MYO10: variants seen among roughly 807,000 people sequenced by gnomAD.
MYO10 encodes myosin X.
A neutral mutation model predicts 257.3 loss-of-function variants in MYO10; 133 were observed. The ratio of observed to expected loss-of-function variants is 0.52; its 90% CI spans 0.45 to 0.60. The LOEUF is 0.60. Ranked by LOEUF, MYO10 falls within the 20% of genes least tolerant of loss-of-function variation. MYO10 has a pLI of 0.00. For missense variants in MYO10, 2,399 were observed against 2,635.7 expected (o/e 0.91, Z 1.97); for synonymous variants, 1,104 against 1,028.6 (o/e 1.07, Z -1.40).
chr5:16,924,887 G>A (rs1177657680), intron 1 of MYO10, among the ~76,000 whole-genome samples: 1 of 143,696 alleles, frequency 7.0e-6, no homozygotes, highest in South Asian at 2.2e-4. Context: ...CTGGAGTGCA[G>A]TGGCACGATC....
At chr5:16,860,808 C>G (rs769575205) in intron 2 of MYO10, among the ~76,000 whole-genome samples, 2 of 149,494 alleles carry the variant, frequency 1.3e-5, no homozygotes, top group Non-Finnish European at 2.9e-5. Context: ...TCCAAATCAA[C>G]GCAAGCACCG....
At chr5:16,821,527 C>T (rs1432439655) in intron 2 of MYO10, among the ~76,000 whole-genome samples, 31 of 126,812 alleles carry the variant, frequency 2.4e-4, no homozygotes, top group African/African-American at 6.1e-4. Context: ...AGTGCAGTGG[C>T]GCGATCTTGG....
At position 16,758,183 on chromosome 5, in the gene MYO10, T is replaced by C. The variant is rs1167101594; in HGVS notation, c.1783A>G (p.Asn595Asp). 1.2e-6 allele frequency: 2 copies of C among 1,613,634 alleles called. 1 individual carries two copies. Among genetic ancestry groups the C allele is most frequent in the African/African-American group, 2.7e-5 (2 of 74,906 alleles). The part of the protein sequence containing the change: ...YDLFEHVSSR[N>D]NQDTLKCGSK... The stretch of plus-strand genomic sequence containing the variant: ...CCACATTTCAAGGTATCCTGGTTGT[T>C]GCGGCTTGAAACATGTTCAAAAAGA... Residue 595 changes from asparagine (N) to aspartate (D), a missense_variant, in exon 18 of 41, where the codon AAC becomes GAC. Asn to Asp is a conservative substitution (Grantham distance 23, BLOSUM62 1). Coordinates refer to ENST00000513610, the MANE Select transcript of MYO10 (RefSeq NM_012334.3).
chr5:16,715,392 A>ATTTTTTTTT (rs372307063), intron 19 of MYO10, among the ~76,000 whole-genome samples: 8 of 84,356 alleles, frequency 9.5e-5, no homozygotes, highest in Non-Finnish European at 1.5e-4. Context: ...TAAGATTGAA[A>ATTTTTTTTT]TTTTTTTTTT....
intron 1 of MYO10, among the ~76,000 whole-genome samples, chr5:16,896,807 G>T (rs2562349): frequency 6.6e-6 from 1 of 152,222 alleles, no homozygotes; most frequent in East Asian, 1.9e-4. Context: ...TGAGGTCAGG[G>T]CCTTCTGGGT....
At chr5:16,849,878 T>C (rs1743748727) in intron 2 of MYO10, among the ~76,000 whole-genome samples, 1 of 152,192 alleles carries the variant, frequency 6.6e-6, no homozygotes, top group African/African-American at 2.4e-5. Context: ...GATGGCAGGC[T>C]GCATACATCT....
At chr5:16,741,482 A>C (rs552711603) in intron 19 of MYO10, among the ~76,000 whole-genome samples, 2 of 152,356 alleles carry the variant, frequency 1.3e-5, no homozygotes, top group South Asian at 4.1e-4. Flanking sequence ...AATTCAAACA[A>C]AAGAAACCAC....
intron 1 of MYO10, among the ~76,000 whole-genome samples, chr5:16,891,512 G>A (rs1745060752): frequency 6.6e-6 from 1 of 151,912 alleles, no homozygotes. Flanking sequence ...TTTTGTGGGG[G>A]GTTTTCTGGA....
chr5:16,889,580 C>A (rs1744992859), intron 1 of MYO10, among the ~76,000 whole-genome samples: 1 of 150,090 alleles, frequency 6.7e-6, no homozygotes, highest in African/African-American at 2.5e-5. Flanking sequence ...AAGAAAACAG[C>A]AGAACAAGCC....
At chr5:16,878,395 A>G (rs1242201221) in intron 1 of MYO10, among the ~76,000 whole-genome samples, 2 of 152,228 alleles carry the variant, frequency 1.3e-5, no homozygotes, top group East Asian at 3.8e-4. Context: ...TTCAAAGTTC[A>G]GGATTGTATC....
chr5:16,701,050 G>A lies in MYO10; in HGVS notation c.3345C>T (p.Ser1115=). ...SSVTFSNSYG[S]QWSPDYRCSV... ...AGCAGCGGTAGTCGGGGGACCACTG[G>A]CTGCCGTAGGAGTTGGAGAAGGTCA... is the stretch of plus-strand genomic sequence containing the variant. Residue 1115 remains serine, a synonymous_variant, in exon 25 of 41, where the codon AGC becomes AGT. Coordinates refer to ENST00000513610, the MANE Select transcript of MYO10 (RefSeq NM_012334.3). The surrounding 1 kb of genome is among the most constrained non-coding windows in gnomAD (Gnocchi z 8.1). 6.4e-7 allele frequency: 1 copy of A among 1,566,270 alleles called. No individual in the cohort carries two copies. Among genetic ancestry groups the A allele is most frequent in the Non-Finnish European group, 8.7e-7 (1 of 1,156,020 alleles).
At position 16,682,622 on chromosome 5, in the gene MYO10, A is replaced by G. The variant is rs560062501; in HGVS notation, c.4047-609T>C. On this transcript the variant is annotated intron_variant, in intron 30 of 40. Coordinates refer to ENST00000513610, the MANE Select transcript of MYO10 (RefSeq NM_012334.3). Reference sequence around the variant, plus strand: ...CTCTCTCATAGGCCCTTGCTAATATAAATACTAACTCCTCTATCTAACGGC... The same window carrying G: ...CTCTCTCATAGGCCCTTGCTAATATGAATACTAACTCCTCTATCTAACGGC... Among the ~76,000 whole-genome samples, 7 of 152,254 alleles carry G rather than the reference A, an allele frequency of 4.6e-5. No individual in the cohort carries two copies. In the East Asian group the frequency reaches 1.2e-3, roughly 25 times the overall value.
At chr5:16,676,193 T>G in intron 33 of MYO10, 39 bp from the exon 34 acceptor site, 1 of 1,604,164 alleles carries the variant, frequency 6.2e-7, no homozygotes, top group Non-Finnish European at 8.5e-7. Context: ...AAGAAACCTG[T>G]ATTTTCCTAC....
chr5:16,817,271 A>T (rs545108745), intron 3 of MYO10, among the ~76,000 whole-genome samples: 66 of 152,342 alleles, frequency 4.3e-4, no homozygotes, highest in African/African-American at 1.5e-3. Context: ...AGAAATAAAC[A>T]TACATAACCA....
intron 1 of MYO10, among the ~76,000 whole-genome samples, chr5:16,899,183 A>G (rs1303154971): frequency 6.6e-6 from 1 of 151,586 alleles, no homozygotes; most frequent in African/African-American, 2.4e-5. Context: ...GATAACAGAC[A>G]CAAATGCAAT....
chr5:16,720,000 G>GTT (rs1365440725), intron 19 of MYO10, among the ~76,000 whole-genome samples: 1 of 132,380 alleles, frequency 7.6e-6, no homozygotes, highest in Non-Finnish European at 1.5e-5. Context: ...GTGTGTGTGT[G>GTT]TGTGTGTGTG....
intron 19 of MYO10, among the ~76,000 whole-genome samples, chr5:16,732,777 G>T (rs1399318090): frequency 6.6e-6 from 1 of 152,164 alleles, no homozygotes; most frequent in African/African-American, 2.4e-5. Flanking sequence ...ATCCAAAGCC[G>T]GGAAAGTGGT....
intron 2 of MYO10, among the ~76,000 whole-genome samples, chr5:16,838,581 C>A (rs887561560): frequency 1.3e-5 from 2 of 152,152 alleles, no homozygotes; most frequent in African/African-American, 4.8e-5. Flanking sequence ...GACATGTTGA[C>A]AAAGAAGCTG....
chr5:16,668,145 A>G, intron 40 of MYO10, 132 bp downstream of exon 40: 2 of 950,222 alleles, frequency 2.1e-6, no homozygotes, highest in Non-Finnish European at 3.1e-6. Flanking sequence ...AGGGACCACC[A>G]CACTGTATTT....
Sources: allele counts gnomAD v4.1 joint callset (sites outside exome capture counted in the v4.1 genomes callset), GRCh38; gene constraint gnomAD v4.1.1; non-coding constraint Gnocchi (gnomAD v3.1); transcripts MANE v1.5; gene names NCBI Gene and HGNC (gene_info 2026-07-23, HGNC 2026-07-21).